Variants in CERS6 observed in about 807,000 individuals in gnomAD.
CERS6 encodes ceramide synthase 6, also known as LAG1 homolog, ceramide synthase 6.
CERS6 carries 26 observed loss-of-function variants against 56.8 expected under a neutral mutation model. The ratio of observed to expected loss-of-function variants is 0.46; its 90% CI spans 0.34 to 0.63. CERS6 has a LOEUF of 0.63. CERS6 is among the 30% of genes least tolerant of loss of function. The pLI is 0.01. For synonymous variants in CERS6, 164 were observed against 173.3 expected (o/e 0.95, Z 0.42); for missense variants, 415 against 467.5 (o/e 0.89, Z 1.04).
At chr2:168,457,813 A>G (rs1040807007) in intron 1 of CERS6, among the ~76,000 whole-genome samples, 2 of 152,190 alleles carry the variant, frequency 1.3e-5, no homozygotes, top group Non-Finnish European at 1.5e-5. Context: ...CTGCTGGACG[A>G]GGCAACAAAG....
intron 1 of CERS6, among the ~76,000 whole-genome samples, chr2:168,485,189 G>A (rs531746032): frequency 2.7e-5 from 4 of 150,338 alleles, no homozygotes; most frequent in Admixed American, 2.6e-4. Context: ...TTTAAGAAGA[G>A]TTAATAGATT....
At chr2:168,740,420 A>G (rs1330826706) in intron 8 of CERS6, among the ~76,000 whole-genome samples, 4 of 152,240 alleles carry the variant, frequency 2.6e-5, no homozygotes, top group Non-Finnish European at 5.9e-5. Flanking sequence ...CTACTAGGTA[A>G]TTGAGACCAG....
intron 8 of CERS6, among the ~76,000 whole-genome samples, chr2:168,743,979 CTTTTTTCTT>C (rs1337322690): frequency 4.2e-3 from 303 of 71,366 alleles, no homozygotes; most frequent in African/African-American, 0.016. Flanking sequence ...TTACTGTTTT[CTTTTTTCTT>C]TTTTTTCTTT....
chr2:168,598,907 A>T (rs1683867725), intron 3 of CERS6, among the ~76,000 whole-genome samples: 1 of 152,170 alleles, frequency 6.6e-6, no homozygotes, highest in Admixed American at 6.5e-5. Context: ...CTCTCTGGAG[A>T]CCTTTTCTGC....
At chr2:168,748,541 A>G (rs1392526833) in intron 8 of CERS6, among the ~76,000 whole-genome samples, 1 of 152,156 alleles carries the variant, frequency 6.6e-6, no homozygotes, top group African/African-American at 2.4e-5. Flanking sequence ...TTGTGGTCCT[A>G]CTCCTGAACC....
At chr2:168,634,773 T>C (rs1050161462) in intron 4 of CERS6, among the ~76,000 whole-genome samples, 2 of 152,166 alleles carry the variant, frequency 1.3e-5, no homozygotes, top group African/African-American at 4.8e-5. Flanking sequence ...AAAAGAAAAG[T>C]TACTCAAGAT....
intron 4 of CERS6, among the ~76,000 whole-genome samples, chr2:168,671,695 T>A (rs1352153322): frequency 6.6e-6 from 1 of 152,214 alleles, no homozygotes; most frequent in Non-Finnish European, 1.5e-5. Context: ...ATATCTGTTA[T>A]TTCTATTTGC....
chr2:168,755,033 G>C (rs1684378145), intron 8 of CERS6, among the ~76,000 whole-genome samples: 1 of 152,172 alleles, frequency 6.6e-6, no homozygotes, highest in Non-Finnish European at 1.5e-5. Flanking sequence ...GCCTCCCAAA[G>C]CTCTGGGATT....
intron 3 of CERS6, among the ~76,000 whole-genome samples, chr2:168,620,259 T>C (rs1684436974): frequency 6.6e-6 from 1 of 151,912 alleles, no homozygotes; most frequent in Non-Finnish European, 1.5e-5. Flanking sequence ...ACAATAGATT[T>C]TGGGGACTCA....
chr2:168,767,693 C>T lies in CERS6; in HGVS notation c.1003-1817C>T, dbSNP rs139486131. ...CCACCCACCTGAGAGAGAGGACGTTCTCCCACAGGAACTGTAGTTTCTCAA... is the reference window on the plus strand; with the variant it reads ...CCACCCACCTGAGAGAGAGGACGTTTTCCCACAGGAACTGTAGTTTCTCAA... On this transcript the variant is annotated intron_variant, in intron 9 of 9. Transcript: ENST00000305747. Among the ~76,000 whole-genome samples, 802 of 152,344 alleles carry T rather than the reference C, an allele frequency of 5.3e-3. 2 individuals are homozygous for T. Among genetic ancestry groups the T allele is most frequent in the Middle Eastern group, 0.017 (5 of 294 alleles).
chr2:168,739,895 A>G (rs1258109393), intron 8 of CERS6, among the ~76,000 whole-genome samples: 1 of 151,952 alleles, frequency 6.6e-6, no homozygotes, highest in Non-Finnish European at 1.5e-5. Flanking sequence ...TTTTTAGTAG[A>G]GATGGGGTTT....
At position 168,487,018 on chromosome 2, in the gene CERS6, A is replaced by G. The variant is rs147967329; in HGVS notation, c.170+30400A>G. On this transcript the variant is annotated intron_variant, in intron 1 of 9. Coordinates refer to ENST00000305747, the MANE Select transcript of CERS6 (RefSeq NM_203463.3). ...CTGCATCATAAAGGTGAGGGGTGCTATATTGATAAAGCACTTTTTGTCTGT... is the reference window on the plus strand; with the variant it reads ...CTGCATCATAAAGGTGAGGGGTGCTGTATTGATAAAGCACTTTTTGTCTGT... 1.3e-4 allele frequency among the ~76,000 whole-genome samples: 20 copies of G among 152,268 alleles called. No individual in the cohort carries two copies. In the East Asian group the frequency reaches 3.3e-3, roughly 25 times the overall value.
chr2:168,531,897 T>C (rs918842109), intron 1 of CERS6, among the ~76,000 whole-genome samples: 9 of 152,036 alleles, frequency 5.9e-5, no homozygotes, highest in African/African-American at 2.2e-4. Flanking sequence ...TTTCTTGTCA[T>C]GAAAATTTAA....
intron 8 of CERS6, among the ~76,000 whole-genome samples, chr2:168,749,770 A>G (rs1470896430): frequency 6.6e-6 from 1 of 152,214 alleles, no homozygotes; most frequent in Admixed American, 6.5e-5. Flanking sequence ...GGCTTAGTCC[A>G]CAAGGCTTCT....
At chr2:168,659,794 G>A (rs79594839) in intron 4 of CERS6, among the ~76,000 whole-genome samples, 7,260 of 151,988 alleles carry the variant, frequency 0.048, 441 homozygotes, top group African/African-American at 0.14. Flanking sequence ...CACACTGACT[G>A]GCACACAGCA....
intron 5 of CERS6, among the ~76,000 whole-genome samples, chr2:168,694,144 A>T (rs1340625422): frequency 6.6e-6 from 1 of 152,184 alleles, no homozygotes; most frequent in Non-Finnish European, 1.5e-5. Flanking sequence ...ACAACTCAAT[A>T]TAACAATTAA....
intron 1 of CERS6, among the ~76,000 whole-genome samples, chr2:168,522,510 G>T (rs986827852): frequency 6.6e-6 from 1 of 151,698 alleles, no homozygotes; most frequent in Non-Finnish European, 1.5e-5. Flanking sequence ...TTGAAGTTAG[G>T]AATTGGCTCT....
Position 168,691,098 on chromosome 2 carries a change from A to G in CERS6, c.516+14A>G. ...TACCCCTATCAGGTAAGGAGGCATT[A>G]TTGTCTGGGTTTTTACACACATTAA... On this transcript the variant is annotated intron_variant, in intron 5 of 9. Transcript: ENST00000305747. The G allele has an allele frequency of 6.2e-7, 1 of 1,611,190 alleles. No individual in the cohort carries two copies. The highest frequency in any genetic ancestry group is 8.5e-7 in the Non-Finnish European group (1 of 1,177,618).
chr2:168,570,279 G>A (rs950547101), intron 3 of CERS6, among the ~76,000 whole-genome samples: 1 of 152,186 alleles, frequency 6.6e-6, no homozygotes, highest in African/African-American at 2.4e-5. Context: ...CAGAGCCTCA[G>A]CACCTTTGGC....
Sources: allele counts gnomAD v4.1 joint callset (sites outside exome capture counted in the v4.1 genomes callset), GRCh38; gene constraint gnomAD v4.1.1; transcripts MANE v1.5; gene names NCBI Gene and HGNC (gene_info 2026-07-23, HGNC 2026-07-21).